The following KAZN variants were observed in gnomAD, a reference collection of about 807,000 sequenced individuals.
KAZN encodes the protein kazrin.
A neutral mutation model predicts 87.4 loss-of-function variants in KAZN; 40 were observed. The ratio of observed to expected loss-of-function variants is 0.46; its 90% CI spans 0.36 to 0.60. The LOEUF (loss-of-function observed/expected upper bound fraction) is 0.60. Ranked by LOEUF, KAZN falls within the 20% of genes least tolerant of loss-of-function variation. The pLI is 0.00. For missense variants in KAZN, 898 were observed against 1,073.9 expected (o/e 0.84, Z 2.29); for synonymous variants, 466 against 458.3 (o/e 1.02, Z -0.22).
At chr1:14,976,619 G>A (rs1937134) in intron 2 of KAZN, among the ~76,000 whole-genome samples, 56,479 of 152,082 alleles carry the variant, frequency 0.37, 12,094 homozygotes, top group African/African-American at 0.6. Context: ...AGAGGAGGCC[G>A]GGAGGGGCTT....
Position 14,054,422 on chromosome 1 carries a change from G to A in KAZN, c.92-126013G>A, listed in dbSNP as rs182255196. ...CCCTGTAGGCCACTTTGGCATTTTT[G>A]GTAGACTGAATTTGAGTAAATGAAG... On this transcript the variant is annotated intron_variant, in intron 1 of 16. Transcript: ENST00000636203. Among the ~76,000 whole-genome samples the A allele has an allele frequency of 3.2e-4, 48 of 152,278 alleles. No homozygotes were observed. The East Asian group carries it at 7.9e-3, about 25-fold the overall frequency.
At chr1:14,220,049 C>T (rs671440) in intron 2 of KAZN, among the ~76,000 whole-genome samples, 144,659 of 152,260 alleles carry the variant, frequency 0.95, 68,797 homozygotes, top group East Asian at 1. Context: ...AACCAGGGTG[C>T]CCTGATCTCC....
At chr1:14,208,848 G>A (rs1170300899) in intron 2 of KAZN, among the ~76,000 whole-genome samples, 2 of 152,180 alleles carry the variant, frequency 1.3e-5, no homozygotes, top group Non-Finnish European at 2.9e-5. Context: ...ACCTCTCCAA[G>A]AGTTGCTTCT....
At chr1:15,014,204 G>A (rs996806663) in intron 2 of KAZN, among the ~76,000 whole-genome samples, 9 of 152,048 alleles carry the variant, frequency 5.9e-5, no homozygotes, top group African/African-American at 2.2e-4. Flanking sequence ...CACACCTGCA[G>A]GATTCTGGGA....
intron 1 of KAZN, among the ~76,000 whole-genome samples, chr1:13,948,398 C>G (rs1223677622): frequency 2.0e-5 from 3 of 152,184 alleles, no homozygotes; most frequent in African/African-American, 7.2e-5. Context: ...TCCCCCTTCG[C>G]GGGGCACTCA....
intron 1 of KAZN, among the ~76,000 whole-genome samples, chr1:14,904,519 A>G (rs1417442566): frequency 6.6e-6 from 1 of 152,166 alleles, no homozygotes; most frequent in Non-Finnish European, 1.5e-5. Context: ...AAGATGCGGG[A>G]CGTCCCCCTG....
In KAZN at chr1:14,323,334, G is replaced by A. The variant is rs182033576; in HGVS notation, c.249+142742G>A. Among the ~76,000 whole-genome samples the A allele has an allele frequency of 1.1e-4, 16 of 152,198 alleles. No homozygotes were observed. The East Asian group carries it at 2.3e-3, about 22-fold the overall frequency. The stretch of plus-strand genomic sequence containing the variant: ...CAATCTGATCATGGGGCCAGGAGGA[G>A]AGACCTGAAAACATTGGTGAACAGT... On this transcript the variant is annotated intron_variant, in intron 2 of 16. Transcript: ENST00000636203.
At chr1:14,389,482 A>AG (rs1197643771) in intron 2 of KAZN, among the ~76,000 whole-genome samples, 3 of 133,382 alleles carry the variant, frequency 2.2e-5, no homozygotes, top group East Asian at 8.3e-4. Flanking sequence ...TGGATAAAAA[A>AG]AAATGTTACA....
Position 14,598,880 on chromosome 1 carries a change from G to A in KAZN, c.-118G>A. On this transcript the variant is annotated 5_prime_UTR_variant, in exon 1 of 15. Coordinates refer to ENST00000376030, the MANE Select transcript of KAZN (RefSeq NM_201628.3). This position sits in a 1 kb window ranked among gnomAD's most constrained non-coding sequence, Gnocchi z 4.2. Reference sequence around the variant, plus strand: ...TGCCGGTGCCTGGGGGTCGGGGCGCGGGCGAAGCCGGGCCGCGGAGGACAC... The same window carrying A: ...TGCCGGTGCCTGGGGGTCGGGGCGCAGGCGAAGCCGGGCCGCGGAGGACAC... The A allele has an allele frequency of 2.7e-6, 4 of 1,465,564 alleles. No individual in the cohort carries two copies. Among genetic ancestry groups the A allele is most frequent in the East Asian group, 5.9e-5 (2 of 33,966 alleles). The allele number at this position is 1,465,564 out of a possible 1,614,324, so 90.8% of individuals were successfully genotyped here. A position where few individuals can be genotyped will look rare whatever the true frequency, so the allele number is the denominator to read the frequency against.
At chr1:13,916,277 C>T (rs16853148) in intron 1 of KAZN, among the ~76,000 whole-genome samples, 11,135 of 152,152 alleles carry the variant, frequency 0.073, 485 homozygotes, top group East Asian at 0.14. Context: ...GAATGACATT[C>T]GCCTGAAAGA....
intron 2 of KAZN, among the ~76,000 whole-genome samples, chr1:14,973,276 G>A (rs1665267762): frequency 1.3e-5 from 2 of 152,186 alleles, no homozygotes; most frequent in African/African-American, 4.8e-5. Flanking sequence ...ATTATTCTGG[G>A]CACTTGGGGT....
chr1:14,891,995 G>A (rs964191876), intron 1 of KAZN, among the ~76,000 whole-genome samples: 3 of 152,116 alleles, frequency 2.0e-5, no homozygotes, highest in Admixed American at 6.6e-5. Context: ...TGACCCAGAA[G>A]CTACTGGAAG....
At chr1:15,047,722 A>G (rs1202222903) in intron 4 of KAZN, among the ~76,000 whole-genome samples, 1 of 152,040 alleles carries the variant, frequency 6.6e-6, no homozygotes, top group Non-Finnish European at 1.5e-5. Context: ...ACTGAGCCAA[A>G]ATCGCACCAC....
chr1:14,195,535 A>ACACACG, intron 2 of KAZN, among the ~76,000 whole-genome samples: 1 of 143,602 alleles, frequency 7.0e-6, no homozygotes, highest in South Asian at 2.1e-4. Flanking sequence ...ACACACACAC[A>ACACACG]CACACACAAT....
chr1:14,100,542 G>A (rs1012841241), intron 1 of KAZN, among the ~76,000 whole-genome samples: 2 of 152,182 alleles, frequency 1.3e-5, no homozygotes, highest in East Asian at 1.9e-4. Context: ...GTCCTAGAGG[G>A]CACACTTAAT....
intron 2 of KAZN, among the ~76,000 whole-genome samples, chr1:14,239,205 A>G (rs913516743): frequency 2.6e-5 from 4 of 152,218 alleles, no homozygotes; most frequent in Non-Finnish European, 1.5e-5. Context: ...TTAGTGGACA[A>G]GGGCACACAG....
intron 8 of KAZN, among the ~76,000 whole-genome samples, chr1:15,087,849 A>T (rs577820784): frequency 4.3e-4 from 65 of 152,384 alleles, no homozygotes; most frequent in African/African-American, 1.5e-3. Flanking sequence ...TATGTCAGAC[A>T]CAAGGCTGAA....
chr1:14,250,281 C>T (rs1649899848), intron 2 of KAZN, among the ~76,000 whole-genome samples: 2 of 151,886 alleles, frequency 1.3e-5, no homozygotes, highest in Admixed American at 1.3e-4. Flanking sequence ...TCAAATAATA[C>T]AATATAAAGC....
At chr1:14,878,390 C>A (rs1227507336) in intron 1 of KAZN, among the ~76,000 whole-genome samples, 2 of 151,936 alleles carry the variant, frequency 1.3e-5, no homozygotes, top group Non-Finnish European at 2.9e-5. Context: ...GTGTGACAAC[C>A]AAAAATGTCT....
Sources: gnomAD v4.1 joint callset for allele counts (sites outside exome capture counted in the v4.1 genomes callset) on GRCh38, gnomAD v4.1.1 for gene constraint, Gnocchi (gnomAD v3.1) non-coding constraint, MANE v1.5 for transcripts, NCBI Gene and HGNC (gene_info 2026-07-23, HGNC 2026-07-21) for gene names.